PDLIM5: variants seen among roughly 807,000 people sequenced by gnomAD.
PDLIM5 encodes PDZ and LIM domain 5.
In PDLIM5, 34 loss-of-function variants were observed where a neutral mutation model predicts 64.2. The ratio of observed to expected loss-of-function variants is 0.53; its 90% CI spans 0.40 to 0.71. PDLIM5 has a LOEUF of 0.71. PDLIM5 is among the 30% of genes least tolerant of loss of function. PDLIM5 has a pLI of 0.00. For missense variants in PDLIM5, 683 were observed against 733.6 expected (o/e 0.93, Z 0.80); for synonymous variants, 253 against 269.1 (o/e 0.94, Z 0.59).
intron 3 of PDLIM5, among the ~76,000 whole-genome samples, chr4:94,540,988 A>G (rs1578337640): frequency 6.6e-6 from 1 of 152,190 alleles, no homozygotes; most frequent in South Asian, 2.1e-4. Context: ...GGTCATCAGA[A>G]CGATACAAAC....
intron 7 of PDLIM5, chr4:94,611,025 G>A (rs1738321075): frequency 6.9e-7 from 1 of 1,440,250 alleles, no homozygotes; most frequent in Non-Finnish European, 9.4e-7. Flanking sequence ...TCTGCTATTG[G>A]TAGTGTGATT....
chr4:94,536,721 G>A (rs3805285), intron 3 of PDLIM5, among the ~76,000 whole-genome samples: 67,585 of 151,956 alleles, frequency 0.44, 16,578 homozygotes, highest in South Asian at 0.68. Flanking sequence ...TGACAAGCTG[G>A]TCATTGTCCT....
chr4:94,623,658 C>T (rs1420324288), intron 8 of PDLIM5, among the ~76,000 whole-genome samples: 1 of 151,904 alleles, frequency 6.6e-6, no homozygotes, highest in Non-Finnish European at 1.5e-5. Context: ...GTTTATAGGC[C>T]CTCAGTAAAT....
intron 9 of PDLIM5, among the ~76,000 whole-genome samples, chr4:94,646,094 G>A (rs762531509): frequency 3.9e-5 from 6 of 152,094 alleles, no homozygotes; most frequent in African/African-American, 1.2e-4. Flanking sequence ...TTTGTGTGCC[G>A]CTGTCCTTAG....
At chr4:94,556,438 G>C (rs1024283873) in intron 3 of PDLIM5, among the ~76,000 whole-genome samples, 1 of 152,168 alleles carries the variant, frequency 6.6e-6, no homozygotes, top group African/African-American at 2.4e-5. Context: ...GGATGGCTGG[G>C]TCAAATGGTA....
At position 94,455,348 on chromosome 4, in the gene PDLIM5, C is replaced by G. The variant is rs145981438; in HGVS notation, c.60C>G (p.Gly20=). The G allele has an allele frequency of 1.2e-6, 2 of 1,613,106 alleles. No individual in the cohort carries two copies. Among genetic ancestry groups the G allele is most frequent in the Admixed American group, 1.7e-5 (1 of 60,012 alleles). The change falls in exon 2 of 13, where the codon GGC becomes GGG. Residue 20 remains glycine (G), a synonymous_variant. Coordinates refer to ENST00000317968, the MANE Select transcript of PDLIM5 (RefSeq NM_006457.5). ...CTCCTTGGGGTTTCCGGCTGCAGGG[C>G]GGTAAGGATTTCAACATGCCTCTGA... ...GPAPWGFRLQ[G]GKDFNMPLTI...
At chr4:94,658,704 C>T (rs1742412570) in intron 11 of PDLIM5, among the ~76,000 whole-genome samples, 1 of 152,198 alleles carries the variant, frequency 6.6e-6, no homozygotes, top group Non-Finnish European at 1.5e-5. Context: ...TTTCATCTTC[C>T]TTTCAGCTCC....
chr4:94,623,183 G>A (rs1739392630), intron 8 of PDLIM5, among the ~76,000 whole-genome samples: 1 of 1,592 alleles, frequency 6.3e-4, no homozygotes, highest in East Asian at 0.25. Context: ...AATGTTTGGG[G>A]CTGTCTGCTG....
At position 94,665,082 on chromosome 4, in the gene PDLIM5, G is replaced by A. The variant is rs931770639; in HGVS notation, c.*1015G>A. ...AAATGTGATTGTTTCTATTCATTGTGTATGCTTCATCACCTATATTAGGCA... is the reference window on the plus strand; with the variant it reads ...AAATGTGATTGTTTCTATTCATTGTATATGCTTCATCACCTATATTAGGCA... On this transcript the variant is annotated 3_prime_UTR_variant, in exon 13 of 13. Transcript: ENST00000317968. 1 of 964,718 alleles carries A rather than the reference G, an allele frequency of 1.0e-6. No homozygotes were observed. The highest frequency in any genetic ancestry group is 1.2e-6 in the Non-Finnish European group (1 of 811,280). The allele number at this position is 964,718 out of a possible 1,614,324, so 59.8% of individuals were successfully genotyped here. A position where few individuals can be genotyped will look rare whatever the true frequency, so the allele number is the denominator to read the frequency against.
At chr4:94,648,124 A>G (rs968780931) in intron 9 of PDLIM5, among the ~76,000 whole-genome samples, 1 of 152,198 alleles carries the variant, frequency 6.6e-6, no homozygotes, top group African/African-American at 2.4e-5. Context: ...AGATCAAACT[A>G]AGTCCAAAAC....
intron 3 of PDLIM5, among the ~76,000 whole-genome samples, chr4:94,556,117 C>T (rs1733292127): frequency 7.0e-6 from 1 of 143,640 alleles, no homozygotes; most frequent in African/African-American, 2.6e-5. Context: ...CATGTGTTCT[C>T]ATGGTTAAAT....
chr4:94,665,871 G>A lies in PDLIM5; in HGVS notation c.*1804G>A. On this transcript the variant is annotated 3_prime_UTR_variant, in exon 13 of 13. Transcript: ENST00000317968. ...GAGGGGAGTTTAATTACTCAGATTG[G>A]CCTGTTATTTGATTTCCTCCTTTGG... is the stretch of plus-strand genomic sequence containing the variant. 7.1e-7 allele frequency: 1 copy of A among 1,413,236 alleles called. No individual in the cohort carries two copies. The highest frequency in any genetic ancestry group is 9.2e-7 in the Non-Finnish European group (1 of 1,090,478). 87.5% of individuals were successfully genotyped at this position (1,413,236 alleles called of 1,614,324 possible). A position where few individuals can be genotyped will look rare whatever the true frequency, so the allele number is the denominator to read the frequency against.
chr4:94,537,348 CT>C (rs1310854897), intron 3 of PDLIM5, among the ~76,000 whole-genome samples: 1 of 152,074 alleles, frequency 6.6e-6, no homozygotes, highest in Non-Finnish European at 1.5e-5. Context: ...TGGAATTAGG[CT>C]TTGAAATAAT....
chr4:94,595,648 C>T (rs1212862936), intron 7 of PDLIM5, among the ~76,000 whole-genome samples: 1 of 152,038 alleles, frequency 6.6e-6, no homozygotes. Context: ...TTCATTGACC[C>T]ACACAAAATA....
intron 2 of PDLIM5, among the ~76,000 whole-genome samples, chr4:94,520,752 G>A (rs779571586): frequency 1.3e-5 from 2 of 152,208 alleles, no homozygotes; most frequent in African/African-American, 2.4e-5. Flanking sequence ...TTATGAGTAG[G>A]AAGCCTGGGT....
chr4:94,555,019 T>C (rs1426480506), intron 3 of PDLIM5, among the ~76,000 whole-genome samples: 1 of 125,290 alleles, frequency 8.0e-6, no homozygotes, highest in East Asian at 2.5e-4. Flanking sequence ...TAGGCTAAGC[T>C]AAGCTTTGAT....
At chr4:94,494,259 TG>T (rs1265255829) in intron 2 of PDLIM5, among the ~76,000 whole-genome samples, 3 of 151,960 alleles carry the variant, frequency 2.0e-5, no homozygotes, top group Non-Finnish European at 4.4e-5. Context: ...TGAGGTGCTG[TG>T]CCCAGCCAAG....
intron 6 of PDLIM5, 48 bp downstream of exon 6, chr4:94,585,785 A>G (rs1315044529): frequency 4.7e-6 from 7 of 1,479,790 alleles, no homozygotes; most frequent in Middle Eastern, 1.7e-4. Flanking sequence ...TTTTTGCCCC[A>G]GAGAGTGGCA....
chr4:94,575,570 A>T, intron 4 of PDLIM5, 46 bp from the exon 5 acceptor site: 1 of 1,257,402 alleles, frequency 8.0e-7, no homozygotes, highest in South Asian at 1.5e-5. Flanking sequence ...TATATTTTGC[A>T]TGTGTTTGGT....
Sources: allele counts gnomAD v4.1 joint callset (sites outside exome capture counted in the v4.1 genomes callset), GRCh38; gene constraint gnomAD v4.1.1; transcripts MANE v1.5; gene names NCBI Gene and HGNC (gene_info 2026-07-23, HGNC 2026-07-21).